Variants in PHACTR4 observed in about 807,000 individuals in gnomAD.
The protein encoded by PHACTR4 is protein phosphatase 1, regulatory subunit 124.
A neutral mutation model predicts 72.7 loss-of-function variants in PHACTR4; 51 were observed. That is an observed-to-expected ratio of 0.70 (90% CI 0.56 to 0.89). The LOEUF (loss-of-function observed/expected upper bound fraction) is 0.89, where lower values mean the gene tolerates loss of function less well. Ranked by LOEUF, PHACTR4 falls within the 40% of genes least tolerant of loss-of-function variation. The pLI, the probability that PHACTR4 is intolerant of heterozygous loss-of-function variation, is 0.00. For missense variants in PHACTR4, 731 were observed against 861.8 expected, an observed-to-expected ratio of 0.85 and a Z score of 1.90; for synonymous variants, 255 against 302.5, an observed-to-expected ratio of 0.84 and a Z score of 1.63.
At chr1:28,456,549 G>C (rs1658398399) in intron 2 of PHACTR4, among the ~76,000 whole-genome samples, 1 of 152,058 alleles carries the variant, frequency 6.6e-6, no homozygotes, top group Non-Finnish European at 1.5e-5. Flanking sequence ...TTGCAGCCTG[G>C]ACCTGCTGAG....
chr1:28,371,161 T>G (rs1003825148), intron 1 of PHACTR4, among the ~76,000 whole-genome samples: 1 of 152,196 alleles, frequency 6.6e-6, no homozygotes, highest in African/African-American at 2.4e-5. Flanking sequence ...TGCTGAAGCT[T>G]GAGTACAGTG....
intron 8 of PHACTR4, among the ~76,000 whole-genome samples, chr1:28,478,986 T>C (rs975830716): frequency 6.6e-6 from 1 of 152,160 alleles, no homozygotes; most frequent in African/African-American, 2.4e-5. Context: ...TTTCAGGTTT[T>C]TGTTTGCCCC....
At chr1:28,490,535 A>G (rs1660965435) in intron 10 of PHACTR4, among the ~76,000 whole-genome samples, 1 of 151,604 alleles carries the variant, frequency 6.6e-6, no homozygotes, top group Admixed American at 6.6e-5. Context: ...CCATCTCAAA[A>G]AAAAAAAAGA....
intron 2 of PHACTR4, among the ~76,000 whole-genome samples, chr1:28,413,381 CGCAACT>C (rs1447154105): frequency 6.6e-6 from 1 of 152,134 alleles, no homozygotes; most frequent in Non-Finnish European, 1.5e-5. Flanking sequence ...AGAGGTGGTA[CGCAACT>C]GTCATCCTGG....
chr1:28,459,397 T>G, intron 3 of PHACTR4, 139 bp downstream of exon 3: 1 of 177,008 alleles, frequency 5.6e-6, no homozygotes, highest in Non-Finnish European at 8.9e-6. Flanking sequence ...TCCTTCTTCT[T>G]TTTTTTTTTT....
chr1:28,456,228 A>G (rs1658376028), intron 2 of PHACTR4, among the ~76,000 whole-genome samples: 1 of 152,168 alleles, frequency 6.6e-6, no homozygotes, highest in African/African-American at 2.4e-5. Flanking sequence ...GAATCATGAC[A>G]GAAAACCAAC....
chr1:28,385,519 G>A (rs189114351), intron 1 of PHACTR4, among the ~76,000 whole-genome samples: 3 of 148,006 alleles, frequency 2.0e-5, no homozygotes, highest in African/African-American at 7.5e-5. Context: ...CTCCAGCTTG[G>A]GCGACAGAGC....
chr1:28,452,559 C>T (rs989042421), intron 2 of PHACTR4, among the ~76,000 whole-genome samples: 12 of 151,990 alleles, frequency 7.9e-5, no homozygotes, highest in Admixed American at 2.0e-4. Flanking sequence ...AATCCCAGCA[C>T]TCTGGGAGGC....
At chr1:28,377,881 T>C (rs1651806926) in intron 1 of PHACTR4, among the ~76,000 whole-genome samples, 1 of 151,612 alleles carries the variant, frequency 6.6e-6, no homozygotes, top group Non-Finnish European at 1.5e-5. Context: ...TGAGAGGGTT[T>C]AGAGAAGGTA....
chr1:28,480,489 G>A lies in PHACTR4; in HGVS notation c.1645G>A (p.Ala549Thr), dbSNP rs1660213763. Residue 549 changes from alanine (A) to threonine (T), a missense_variant, in exon 9 of 14, where the codon GCA (alanine) becomes ACA (threonine). Physicochemically the swap from Ala to Thr is moderately conservative, Grantham distance 58 (BLOSUM62 0). Coordinates refer to ENST00000373839, the MANE Select transcript of PHACTR4 (RefSeq NM_001048183.3). The part of the protein sequence containing the change: ...ANKVKRKDTL[A>T]MKLNHRPSEP... ...CAAAGTGAAGAGGAAAGACACACTG[G>A]CAATGAAGTTGAACCACAGACCCAG... 1.2e-6 allele frequency: 2 copies of A among 1,614,112 alleles called. No individual in the cohort carries two copies. Among genetic ancestry groups the A allele is most frequent in the South Asian group, 2.2e-5 (2 of 91,078 alleles).
chr1:28,430,123 C>T (rs1557808448), intron 2 of PHACTR4, among the ~76,000 whole-genome samples: 1 of 151,860 alleles, frequency 6.6e-6, no homozygotes, highest in Non-Finnish European at 1.5e-5. Context: ...CCCGGGTTCA[C>T]GCCATTCTCC....
chr1:28,395,701 A>C (rs1569812689), intron 1 of PHACTR4, among the ~76,000 whole-genome samples: 1 of 142,044 alleles, frequency 7.0e-6, no homozygotes, highest in East Asian at 2.0e-4. Context: ...GTGCAATGGC[A>C]CCATCTTGGC....
At chr1:28,399,707 A>G (rs1230830310) in intron 1 of PHACTR4, among the ~76,000 whole-genome samples, 2 of 152,216 alleles carry the variant, frequency 1.3e-5, no homozygotes, top group Non-Finnish European at 2.9e-5. Flanking sequence ...GAGACACAAT[A>G]AGAACTTAGG....
intron 2 of PHACTR4, among the ~76,000 whole-genome samples, chr1:28,449,805 T>C (rs556601113): frequency 1.3e-5 from 2 of 151,538 alleles, no homozygotes; most frequent in African/African-American, 2.4e-5. Context: ...TGAGCTGAGA[T>C]CGTGCCATTG....
chr1:28,491,022 C>T lies in PHACTR4; in HGVS notation c.1878+10C>T. 1.2e-6 allele frequency: 2 copies of T among 1,609,940 alleles called. No individual in the cohort carries two copies. The highest frequency in any genetic ancestry group is 1.1e-5 in the South Asian group (1 of 90,988). On this transcript the variant is annotated intron_variant, in intron 11 of 13. Coordinates refer to ENST00000373839, the MANE Select transcript of PHACTR4 (RefSeq NM_001048183.3). Reference sequence around the variant, plus strand: ...TCGGCTCACTAGAAAGGTACTACTGCCTGTGTGTTCAGTTAACTATATGTG... The same window carrying T: ...TCGGCTCACTAGAAAGGTACTACTGTCTGTGTGTTCAGTTAACTATATGTG...
At position 28,411,931 on chromosome 1, in the gene PHACTR4, G is replaced by T. The variant is rs1161741400; in HGVS notation, c.16+4468G>T. The stretch of plus-strand genomic sequence containing the variant: ...AAAGAAAGAAAGAGAAAGAAAGAAA[G>T]AATTATTTGTGGTATTCTGGAAATA... On this transcript the variant is annotated intron_variant, in intron 2 of 13. Coordinates refer to ENST00000373839, the MANE Select transcript of PHACTR4 (RefSeq NM_001048183.3). Among the ~76,000 whole-genome samples, 7 of 152,132 alleles carry T rather than the reference G, an allele frequency of 4.6e-5. No individual in the cohort carries two copies. In the South Asian group the frequency reaches 8.3e-4, roughly 18 times the overall value.
chr1:28,409,868 T>C (rs1310106309), intron 2 of PHACTR4, among the ~76,000 whole-genome samples: 1 of 151,860 alleles, frequency 6.6e-6, no homozygotes, highest in African/African-American at 2.4e-5. Flanking sequence ...TTTAGGATTA[T>C]GCCTAGTTCA....
chr1:28,445,669 A>G (rs1657413315), intron 2 of PHACTR4, among the ~76,000 whole-genome samples: 1 of 152,052 alleles, frequency 6.6e-6, no homozygotes, highest in Non-Finnish European at 1.5e-5. Context: ...TCTCACCCTT[A>G]TGATACTGGA....
chr1:28,444,642 G>C (rs2124422110), intron 2 of PHACTR4, among the ~76,000 whole-genome samples: 1 of 150,728 alleles, frequency 6.6e-6, no homozygotes, highest in East Asian at 2.0e-4. Flanking sequence ...TTGAGACAGA[G>C]TCTCGCTGTG....
Sources: allele counts gnomAD v4.1 joint callset (sites outside exome capture counted in the v4.1 genomes callset), GRCh38; gene constraint gnomAD v4.1.1; transcripts MANE v1.5; gene names NCBI Gene and HGNC (gene_info 2026-07-23, HGNC 2026-07-21).